The following LGSN variants were observed in gnomAD, a reference collection of about 807,000 sequenced individuals.
LGSN encodes the protein lengsin, lens protein with glutamine synthetase domain, also known as lengsin.
In LGSN, 21 loss-of-function variants were observed where a neutral mutation model predicts 19.5. The ratio of observed to expected loss-of-function variants is 1.07; its 90% CI spans 0.76 to 1.55. The LOEUF is 1.55. Among genes scored for constraint, LGSN ranks in the 40% most tolerant of loss-of-function variants. The pLI is 0.00. For synonymous variants in LGSN, 257 were observed against 215.6 expected (o/e 1.19, Z -1.68); for missense variants, 673 against 608.5 (o/e 1.11, Z -1.12).
At chr6:63,286,024 GTAGA>G (rs1421674725) in intron 2 of LGSN, among the ~76,000 whole-genome samples, 1 of 152,056 alleles carries the variant, frequency 6.6e-6, no homozygotes, top group Admixed American at 6.6e-5. Context: ...GATATCATAC[GTAGA>G]TACTTACTGA....
chr6:63,493,635 T>C, the LGSN span, among the ~76,000 whole-genome samples: 1 of 152,190 alleles, frequency 6.6e-6, no homozygotes. Flanking sequence ...GAGGAGATAT[T>C]CCTCCCTTGA....
the LGSN span, among the ~76,000 whole-genome samples, chr6:63,497,193 T>C: frequency 6.6e-6 from 1 of 151,850 alleles, no homozygotes; most frequent in Non-Finnish European, 1.5e-5. Flanking sequence ...CACAGAATGG[T>C]CTCAAACTCC....
At chr6:63,357,654 C>T in the LGSN span, among the ~76,000 whole-genome samples, 1 of 152,140 alleles carries the variant, frequency 6.6e-6, no homozygotes, top group South Asian at 2.1e-4. Context: ...CTATTCATAT[C>T]CTTTGCCCAC....
At chr6:63,461,354 G>T in the LGSN span, among the ~76,000 whole-genome samples, 1 of 152,116 alleles carries the variant, frequency 6.6e-6, no homozygotes, top group Admixed American at 6.6e-5. Flanking sequence ...GCCCAGCCTT[G>T]TCTGTGCTCT....
chr6:63,529,165 A>ATATATATATGTATATATATGTGTG, the LGSN span, among the ~76,000 whole-genome samples: 180 of 43,508 alleles, frequency 4.1e-3, 6 homozygotes, highest in East Asian at 0.056. Flanking sequence ...ATATGTGTGT[A>ATATATATATGTATATATATGTGTG]TATATATATA....
chr6:63,391,872 T>C, the LGSN span, among the ~76,000 whole-genome samples: 1 of 152,176 alleles, frequency 6.6e-6, no homozygotes, highest in African/African-American at 2.4e-5. Context: ...AAGAGGTCTT[T>C]GGACATGGAA....
the LGSN span, among the ~76,000 whole-genome samples, chr6:63,447,060 A>G: frequency 6.6e-6 from 1 of 152,232 alleles, no homozygotes; most frequent in Non-Finnish European, 1.5e-5. Context: ...AAAAAAATTA[A>G]AAAAAAGTTA....
the LGSN span, among the ~76,000 whole-genome samples, chr6:63,420,721 C>T: frequency 6.6e-6 from 1 of 152,070 alleles, no homozygotes; most frequent in Non-Finnish European, 1.5e-5. Context: ...TTCAACATGT[C>T]CAGGTTTCCA....
chr6:63,298,436 T>C (rs934336609), intron 1 of LGSN, among the ~76,000 whole-genome samples: 1 of 152,194 alleles, frequency 6.6e-6, no homozygotes, highest in Non-Finnish European at 1.5e-5. Flanking sequence ...AAACTGGCAG[T>C]AAATGGCAAT....
chr6:63,478,695 C>A, the LGSN span, among the ~76,000 whole-genome samples: 1 of 152,088 alleles, frequency 6.6e-6, no homozygotes, highest in Non-Finnish European at 1.5e-5. Context: ...TCTAAAGATT[C>A]AAGAATTTAA....
chr6:63,534,737 C>T, the LGSN span, among the ~76,000 whole-genome samples: 2 of 119,584 alleles, frequency 1.7e-5, no homozygotes, highest in Non-Finnish European at 3.6e-5. Flanking sequence ...CACCTGAGGT[C>T]AGGAGTTCGA....
At chr6:63,285,931 G>A (rs1397102310) in intron 2 of LGSN, among the ~76,000 whole-genome samples, 178 bp from the exon 3 acceptor site, 1 of 152,078 alleles carries the variant, frequency 6.6e-6, no homozygotes, top group African/African-American at 2.4e-5. Flanking sequence ...GTCTTCCCAA[G>A]AACACTGTGT....
intron 1 of LGSN, among the ~76,000 whole-genome samples, chr6:63,310,241 T>A (rs1380606157): frequency 1.3e-5 from 2 of 152,218 alleles, no homozygotes; most frequent in Non-Finnish European, 2.9e-5. Context: ...GGTGGTTTGA[T>A]GTAGCCATCC....
At chr6:63,412,164 C>T in the LGSN span, among the ~76,000 whole-genome samples, 4 of 151,902 alleles carry the variant, frequency 2.6e-5, no homozygotes, top group East Asian at 1.9e-4. Flanking sequence ...GTCAGGAGTT[C>T]GAGACCAGCC....
At chr6:63,456,031 C>G in the LGSN span, among the ~76,000 whole-genome samples, 1 of 151,808 alleles carries the variant, frequency 6.6e-6, no homozygotes, top group Admixed American at 6.6e-5. Context: ...AGTTCGGGAC[C>G]AGCCTGGCCA....
the LGSN span, among the ~76,000 whole-genome samples, chr6:63,406,225 T>C: frequency 2.0e-5 from 3 of 152,184 alleles, no homozygotes; most frequent in African/African-American, 7.2e-5. Flanking sequence ...AGAATATACA[T>C]TTTTTTCAGC....
the LGSN span, among the ~76,000 whole-genome samples, chr6:63,560,165 C>T: frequency 6.6e-6 from 1 of 151,688 alleles, no homozygotes; most frequent in African/African-American, 2.4e-5. Flanking sequence ...TGGGGAAACC[C>T]CGTCTCTACT....
At chr6:63,421,706 GAC>G in the LGSN span, among the ~76,000 whole-genome samples, 1 of 151,942 alleles carries the variant, frequency 6.6e-6, no homozygotes, top group Non-Finnish European at 1.5e-5. Flanking sequence ...CCAGCCTGGC[GAC>G]AGAGTGAGAC....
chr6:63,505,633 G>T, the LGSN span, among the ~76,000 whole-genome samples: 32,429 of 97,160 alleles, frequency 0.33, 8,325 homozygotes, highest in Admixed American at 0.39. Flanking sequence ...AAGAAAGAAA[G>T]AAATTCTGGC....
Sources: allele counts gnomAD v4.1 joint callset (sites outside exome capture counted in the v4.1 genomes callset), GRCh38; gene constraint gnomAD v4.1.1; transcripts MANE v1.5; gene names NCBI Gene and HGNC (gene_info 2026-07-23, HGNC 2026-07-21).